Variants in PNPLA7 observed in about 807,000 individuals in gnomAD.
PNPLA7 encodes patatin-like phospholipase domain-containing protein 7.
In PNPLA7, 153 loss-of-function variants were observed where a neutral mutation model predicts 161.7. The ratio of observed to expected loss-of-function variants is 0.95; its 90% confidence interval spans 0.83 to 1.08. The LOEUF is 1.08. Ranked by LOEUF, PNPLA7 falls within the 50% of genes least tolerant of loss-of-function variation. PNPLA7 has a pLI of 0.00. For missense variants in PNPLA7, 1,739 were observed against 1,856.6 expected, an observed-to-expected ratio of 0.94 and a Z score of 1.16; for synonymous variants, 809 against 782.1, an observed-to-expected ratio of 1.03 and a Z score of -0.57.
chr9:137,531,964 G>A (rs1444657245), intron 8 of PNPLA7, among the ~76,000 whole-genome samples: 1 of 152,168 alleles, frequency 6.6e-6, no homozygotes, highest in African/African-American at 2.4e-5. Context: ...ACAGGGTCCT[G>A]CTATGTTGTC....
chr9:137,473,701 T>C (rs1199440379), intron 25 of PNPLA7, among the ~76,000 whole-genome samples: 1 of 152,148 alleles, frequency 6.6e-6, no homozygotes, highest in African/African-American at 2.4e-5. Context: ...CATGAACAGG[T>C]GTTCTACGTC....
chr9:137,502,515 G>A (rs886391673), intron 14 of PNPLA7, among the ~76,000 whole-genome samples: 1 of 147,542 alleles, frequency 6.8e-6, no homozygotes, highest in Non-Finnish European at 1.5e-5. Context: ...AAGAATCTGA[G>A]CAGCCACATA....
In PNPLA7 at chr9:137,543,839, G is replaced by A; in HGVS notation, c.274-24C>T. On this transcript the variant is annotated intron_variant, in intron 4 of 34. Coordinates refer to ENST00000406427, the MANE Select transcript of PNPLA7 (RefSeq NM_001098537.3). This position sits in a 1 kb window ranked among gnomAD's most constrained non-coding sequence, Gnocchi z 6.9. ...ACCTGCAGAGCCAAGGGAGAGACCA[G>A]CCACTGACCCTGCAAGCCGCAAGGT... 1 of 1,595,146 alleles carries A rather than the reference G, an allele frequency of 6.3e-7. No homozygotes were observed. Among genetic ancestry groups the A allele is most frequent in the Non-Finnish European group, 8.6e-7 (1 of 1,163,356 alleles).
chr9:137,498,347 C>CA (rs2132267979), intron 16 of PNPLA7, 102 bp from the exon 17 acceptor site: 1 of 1,515,848 alleles, frequency 6.6e-7, no homozygotes, highest in Admixed American at 1.8e-5. Flanking sequence ...ACCCCCACCC[C>CA]ACCCGGAAAG....
At chr9:137,464,312 G>T (rs765952934) in intron 27 of PNPLA7, 28 bp downstream of exon 27, 11 of 1,607,906 alleles carry the variant, frequency 6.8e-6, no homozygotes, top group Non-Finnish European at 9.4e-6. Context: ...ACTGGGGGCT[G>T]CATGGGCTCC....
chr9:137,478,085 C>T lies in PNPLA7; in HGVS notation c.2831G>A (p.Arg944Lys). ...DRHSDFSRLA[R>K]VLTGNAIALV... Reference sequence around the variant, plus strand: ...GGCAATGGCGTTGCCCGTCAGCACCCTCGCCAGGCGGGAGAAGTCTGAGTG... The same window carrying T: ...GGCAATGGCGTTGCCCGTCAGCACCTTCGCCAGGCGGGAGAAGTCTGAGTG... The change falls in exon 25 of 35, where the codon AGG (arginine) becomes AAG (lysine). Residue 944 changes from arginine (R) to lysine (K), a missense_variant. This residue lies in a region of PNPLA7 where 703 missense variants were observed against 694.6 expected (regional missense o/e 1.01). Coordinates refer to ENST00000406427, the MANE Select transcript of PNPLA7 (RefSeq NM_001098537.3). 1 of 1,396,216 alleles carries T rather than the reference C, an allele frequency of 7.2e-7. No homozygotes were observed. Among genetic ancestry groups the T allele is most frequent in the Non-Finnish European group, 9.3e-7 (1 of 1,072,752 alleles). 86.5% of individuals were successfully genotyped at this position (1,396,216 alleles called of 1,614,324 possible). A position where few individuals can be genotyped will look rare whatever the true frequency, so the allele number is the denominator to read the frequency against.
chr9:137,497,291 A>T lies in PNPLA7; in HGVS notation c.1909T>A (p.Cys637Ser), dbSNP rs1833113177. 6.3e-7 allele frequency: 1 copy of T among 1,577,698 alleles called. No individual in the cohort carries two copies. Among genetic ancestry groups the T allele is most frequent in the Non-Finnish European group, 8.6e-7 (1 of 1,162,648 alleles). Residue 637 changes from cysteine (C) to serine (S), a missense_variant, in exon 18 of 35, where the codon TGC (cysteine) becomes AGC (serine). Transcript: ENST00000406427. Reference sequence around the variant, plus strand: ...CGGCCGCTGAGCATGATGTACGTGCAGTCGGACTTGTCCCCCTGCCTGCGG... The same window carrying T: ...CGGCCGCTGAGCATGATGTACGTGCTGTCGGACTTGTCCCCCTGCCTGCGG... ...AIYRQGDKSD[C>S]TYIMLSGRLR...
At chr9:137,501,807 T>C (rs1049314219) in intron 14 of PNPLA7, 80 bp from the exon 15 acceptor site, 5 of 1,430,242 alleles carry the variant, frequency 3.5e-6, no homozygotes, top group Non-Finnish European at 2.9e-6. Flanking sequence ...CACTGGGCTG[T>C]TCAGGGGCAA....
In PNPLA7 at chr9:137,468,112, A is replaced by C. The variant is rs1831559219; in HGVS notation, c.2883-639T>G. The stretch of plus-strand genomic sequence containing the variant: ...CCTGGAAGGGAGGAGCCTGGGAAGC[A>C]TCCTGAGGGGCAGCACCCCAGGAGT... On this transcript the variant is annotated intron_variant, in intron 25 of 34. Coordinates refer to ENST00000406427, the MANE Select transcript of PNPLA7 (RefSeq NM_001098537.3). This position sits in a 1 kb window ranked among gnomAD's most constrained non-coding sequence, Gnocchi z 4.0. Among the ~76,000 whole-genome samples the C allele has an allele frequency of 6.6e-6, 1 of 151,766 alleles. No homozygotes were observed. Among genetic ancestry groups the C allele is most frequent in the African/African-American group, 2.4e-5 (1 of 41,320 alleles).
Position 137,479,258 on chromosome 9 carries a change from T to C in PNPLA7, c.2581-20A>G. On this transcript the variant is annotated intron_variant, in intron 23 of 34. Transcript: ENST00000406427. ...CTCCAGCTGAAAGGCAGAGCCCACG[T>C]GTCTGCCAGCCGGGTGAGCCTGGGA... 1 of 1,505,898 alleles carries C rather than the reference T, an allele frequency of 6.6e-7. No individual in the cohort carries two copies. Among genetic ancestry groups the C allele is most frequent in the Middle Eastern group, 1.8e-4 (1 of 5,602 alleles). The allele number at this position is 1,505,898 out of a possible 1,614,324, so 93.3% of individuals were successfully genotyped here. A position where few individuals can be genotyped will look rare whatever the true frequency, so the allele number is the denominator to read the frequency against.
chr9:137,465,470 T>G (rs1405869344), intron 26 of PNPLA7, among the ~76,000 whole-genome samples: 3 of 152,216 alleles, frequency 2.0e-5, no homozygotes, highest in African/African-American at 7.2e-5. Flanking sequence ...CAGGTGACTC[T>G]GGGACAGGAC....
At position 137,499,775 on chromosome 9, in the gene PNPLA7, G is replaced by C. The variant is rs1409623428; in HGVS notation, c.1757+916C>G. ...GTGCCATTTGCTGGATTACAGGCGT[G>C]AGCCGCTGCACCCAGCCGACCTGTT... On this transcript the variant is annotated intron_variant, in intron 16 of 34. Transcript: ENST00000406427. The surrounding 1 kb of genome is among the most constrained non-coding windows in gnomAD (Gnocchi z 5.5). Among the ~76,000 whole-genome samples the C allele has an allele frequency of 6.6e-6, 1 of 152,236 alleles. No individual in the cohort carries two copies.
rs573050590 is a variant in PNPLA7 at position 137,467,016 on chromosome 9, C to T, written c.3039+301G>A. Among the ~76,000 whole-genome samples, 8 of 150,810 alleles carry T rather than the reference C, an allele frequency of 5.3e-5. No homozygotes were observed. The highest frequency in any genetic ancestry group is 4.2e-4 in the South Asian group (2 of 4,762). On this transcript the variant is annotated intron_variant, in intron 26 of 34. Transcript: ENST00000406427. The surrounding 1 kb of genome is among the most constrained non-coding windows in gnomAD (Gnocchi z 5.1). ...TCTCAGACCCGTGCACAGATCAGAC[C>T]GCCTCCCACCACCGTCTCCATCACC... is the stretch of plus-strand genomic sequence containing the variant.
chr9:137,491,296 T>G (rs1426353590), intron 20 of PNPLA7, among the ~76,000 whole-genome samples: 1 of 152,164 alleles, frequency 6.6e-6, no homozygotes, highest in African/African-American at 2.4e-5. Flanking sequence ...AATACAGTAG[T>G]GTTTAACAAC....
In PNPLA7 at chr9:137,540,660, G is replaced by T; in HGVS notation, c.729C>A (p.Ser243Arg). ...LAGDSVHSLL[S>R]ILDIITGHAA... Reference sequence around the variant, plus strand: ...GACTCACGGTGATGATGTCCAGGATGCTGAGCAGGCTGTGGACGCTGTCTC... The same window carrying T: ...GACTCACGGTGATGATGTCCAGGATTCTGAGCAGGCTGTGGACGCTGTCTC... Residue 243 changes from serine (S) to arginine (R), a missense_variant, in exon 8 of 35, where the codon AGC (serine) becomes AGA (arginine). Coordinates refer to ENST00000406427, the MANE Select transcript of PNPLA7 (RefSeq NM_001098537.3). The surrounding 1 kb of genome is among the most constrained non-coding windows in gnomAD (Gnocchi z 5.1). The T allele has an allele frequency of 6.2e-7, 1 of 1,611,976 alleles. No individual in the cohort carries two copies.
chr9:137,540,814 C>A lies in PNPLA7; in HGVS notation c.667-92G>T. 1 of 1,114,944 alleles carries A rather than the reference C, an allele frequency of 9.0e-7. No homozygotes were observed. The highest frequency in any genetic ancestry group is 1.3e-6 in the Non-Finnish European group (1 of 761,668). 69.1% of individuals were successfully genotyped at this position (1,114,944 alleles called of 1,614,324 possible). ...TCAGCCCAGCCCAGGGCAGTGGGGC[C>A]ACGGGCCTGCACCTCTGAGGCGCCA... On this transcript the variant is annotated intron_variant, in intron 7 of 34. Coordinates refer to ENST00000406427, the MANE Select transcript of PNPLA7 (RefSeq NM_001098537.3). This position sits in a 1 kb window ranked among gnomAD's most constrained non-coding sequence, Gnocchi z 5.1.
chr9:137,503,433 A>G (rs1044790201), intron 14 of PNPLA7, among the ~76,000 whole-genome samples: 42 of 112,146 alleles, frequency 3.7e-4, no homozygotes, highest in African/African-American at 1.4e-3. Context: ...AAGAAGGAGA[A>G]TGAGGAGGGG....
intron 8 of PNPLA7, among the ~76,000 whole-genome samples, chr9:137,535,780 A>G (rs1588701265): frequency 6.6e-6 from 1 of 150,966 alleles, no homozygotes; most frequent in South Asian, 2.1e-4. Flanking sequence ...AACAGAAAAA[A>G]CCTCTTGAAA....
At chr9:137,509,794 G>A (rs1453977301) in intron 12 of PNPLA7, 2 of 453,152 alleles carry the variant, frequency 4.4e-6, no homozygotes, top group East Asian at 7.0e-5. Context: ...AGGCACTGAG[G>A]CAAGAGACAG....
Sources: gnomAD v4.1 joint callset for allele counts (sites outside exome capture counted in the v4.1 genomes callset) on GRCh38, gnomAD v4.1.1 for gene constraint, gnomAD v4.1.1 regional missense constraint, Gnocchi (gnomAD v3.1) non-coding constraint, MANE v1.5 for transcripts, NCBI Gene and HGNC (gene_info 2026-07-23, HGNC 2026-07-21) for gene names.